BCAS3: variants seen among roughly 807,000 people sequenced by gnomAD.
BCAS3 encodes BCAS3 microtubule associated cell migration factor, also known as BCAS4/BCAS3 fusion.
Under a neutral mutation model 116.1 loss-of-function variants are expected in BCAS3, and 53 were observed. The ratio of observed to expected loss-of-function variants is 0.46; its 90% CI spans 0.37 to 0.57. The LOEUF (loss-of-function observed/expected upper bound fraction) is 0.57, where lower values mean the gene tolerates loss of function less well. Among genes scored for constraint, BCAS3 ranks in the 20% least tolerant of loss-of-function variants. The pLI is 0.00. For missense variants in BCAS3, 917 were observed against 1,165.4 expected, an observed-to-expected ratio of 0.79 and a Z score of 3.10; for synonymous variants, 391 against 408.2, an observed-to-expected ratio of 0.96 and a Z score of 0.51.
intron 7 of BCAS3, among the ~76,000 whole-genome samples, chr17:60,821,266 G>A (rs2049941345): frequency 6.6e-6 from 1 of 152,168 alleles, no homozygotes; most frequent in African/African-American, 2.4e-5. Context: ...CTTCTTTGAT[G>A]TACTGACATT....
chr17:60,929,449 G>A (rs895804801), intron 13 of BCAS3, among the ~76,000 whole-genome samples: 4 of 151,942 alleles, frequency 2.6e-5, no homozygotes, highest in African/African-American at 9.7e-5. Flanking sequence ...AAAAAATTAA[G>A]TAAAATGAGG....
chr17:60,950,428 G>C (rs1240653909), intron 14 of BCAS3, among the ~76,000 whole-genome samples: 1 of 152,166 alleles, frequency 6.6e-6, no homozygotes, highest in Admixed American at 6.5e-5. Flanking sequence ...GGAGAAAATT[G>C]ACCATGAATG....
Position 61,392,126 on chromosome 17 carries a change from G to A in BCAS3, c.*1G>A, listed in dbSNP as rs558344377. 9.3e-6 allele frequency: 15 copies of A among 1,612,866 alleles called. 1 individual carries two copies. The highest frequency in any genetic ancestry group is 7.7e-5 in the South Asian group (7 of 90,978). On this transcript the variant is annotated 3_prime_UTR_variant, in exon 24 of 24. Coordinates refer to ENST00000407086, the MANE Select transcript of BCAS3 (RefSeq NM_017679.5). The surrounding 1 kb of genome is among the most constrained non-coding windows in gnomAD (Gnocchi z 6.4). ...CCTCTTCCCGACTGGCTTCCCGTAGGTACCAGCAACCTGCTTCTGACTGGC... is the reference window on the plus strand; with the variant it reads ...CCTCTTCCCGACTGGCTTCCCGTAGATACCAGCAACCTGCTTCTGACTGGC...
chr17:61,246,792 AGTGTGTGTGTGTGTGTGTGTGTGT>A (rs61382195), intron 22 of BCAS3, among the ~76,000 whole-genome samples: 1 of 144,130 alleles, frequency 6.9e-6, no homozygotes, highest in Non-Finnish European at 1.5e-5. Flanking sequence ...TTTGAGTGAG[AGTGTGTGTGTGTGTGTGTGTGTGT>A]GTGTGTGTGT....
chr17:61,380,279 G>A lies in BCAS3; in HGVS notation c.2594-11698G>A. 1 of 565,808 alleles carries A rather than the reference G, an allele frequency of 1.8e-6. No individual in the cohort carries two copies. Among genetic ancestry groups the A allele is most frequent in the Non-Finnish European group, 3.2e-6 (1 of 315,032 alleles). 35.0% of individuals were successfully genotyped at this position (565,808 alleles called of 1,614,324 possible). On this transcript the variant is annotated intron_variant, in intron 23 of 23. Transcript: ENST00000407086. The surrounding 1 kb of genome is among the most constrained non-coding windows in gnomAD (Gnocchi z 4.2). ...CAGGAGTGTAGGAACTCAGGCAGCTGGACTGGGGAGGAGGGAGAGAGGGAA... is the reference window on the plus strand; with the variant it reads ...CAGGAGTGTAGGAACTCAGGCAGCTAGACTGGGGAGGAGGGAGAGAGGGAA...
chr17:60,697,674 G>A (rs73332370), intron 4 of BCAS3, among the ~76,000 whole-genome samples: 10,617 of 151,742 alleles, frequency 0.07, 1,242 homozygotes, highest in African/African-American at 0.24. Context: ...CCTCCCACCA[G>A]TTGCAAACAG....
At chr17:61,351,707 C>T (rs748625285) in intron 22 of BCAS3, among the ~76,000 whole-genome samples, 6 of 152,224 alleles carry the variant, frequency 3.9e-5, no homozygotes, top group Non-Finnish European at 7.3e-5. Context: ...ATCTCTCCCC[C>T]TTCCGCATCT....
In BCAS3 at chr17:61,258,259, T is replaced by C. The variant is rs759529437; in HGVS notation, c.2426-110068T>C. ...ACTTACCATGTTTCGCCTGATGTTG[T>C]CTTTAAGTATGTAACTTTATTTTCT... is the stretch of plus-strand genomic sequence containing the variant. On this transcript the variant is annotated intron_variant, in intron 22 of 23. Transcript: ENST00000407086. The surrounding 1 kb of genome is among the most constrained non-coding windows in gnomAD (Gnocchi z 4.7). Among the ~76,000 whole-genome samples the C allele has an allele frequency of 1.3e-5, 2 of 152,258 alleles. No homozygotes were observed. The highest frequency in any genetic ancestry group is 2.4e-5 in the African/African-American group (1 of 41,466).
intron 22 of BCAS3, among the ~76,000 whole-genome samples, chr17:61,155,427 A>T (rs962027914): frequency 2.2e-4 from 34 of 152,140 alleles, no homozygotes; most frequent in Non-Finnish European, 4.7e-4. Flanking sequence ...TGTGTTCAGA[A>T]AAGGATAATT....
In BCAS3 at chr17:61,249,340, T is replaced by A. The variant is rs2048199827; in HGVS notation, c.2426-118987T>A. ...AACTTGAAAATAATACCAGCACTGCTAGAGTGGGTATTTGGCTCAGTTCAG... is the reference window on the plus strand; with the variant it reads ...AACTTGAAAATAATACCAGCACTGCAAGAGTGGGTATTTGGCTCAGTTCAG... On this transcript the variant is annotated intron_variant, in intron 22 of 23. Transcript: ENST00000407086. This position sits in a 1 kb window ranked among gnomAD's most constrained non-coding sequence, Gnocchi z 6.2. 6.6e-6 allele frequency among the ~76,000 whole-genome samples: 1 copy of A among 152,170 alleles called. No homozygotes were observed. The highest frequency in any genetic ancestry group is 1.5e-5 in the Non-Finnish European group (1 of 68,026).
chr17:60,735,324 C>T (rs540412339), intron 5 of BCAS3, among the ~76,000 whole-genome samples: 1 of 148,230 alleles, frequency 6.7e-6, no homozygotes, highest in Non-Finnish European at 1.5e-5. Context: ...TCTTGTCTTA[C>T]TGTATTAGCT....
At position 60,703,652 on chromosome 17, in the gene BCAS3, C is replaced by T. The variant is rs1025842146; in HGVS notation, c.215-5567C>T. Reference sequence around the variant, plus strand: ...TTACCTAGCCGGGCGCGGTGGCTCACGCCTGTAATCCCAGCACTTTGGGAG... The same window carrying T: ...TTACCTAGCCGGGCGCGGTGGCTCATGCCTGTAATCCCAGCACTTTGGGAG... On this transcript the variant is annotated intron_variant, in intron 4 of 23. Transcript: ENST00000407086. Among the ~76,000 whole-genome samples the T allele has an allele frequency of 5.3e-5, 8 of 152,018 alleles. No homozygotes were observed. In the South Asian group the frequency reaches 1.2e-3, roughly 24 times the overall value.
intron 14 of BCAS3, among the ~76,000 whole-genome samples, chr17:60,966,435 A>G (rs1325305819): frequency 1.3e-5 from 2 of 152,070 alleles, no homozygotes; most frequent in Non-Finnish European, 2.9e-5. Context: ...CTCTGGTATT[A>G]TGCTGTTAAT....
chr17:61,045,876 AATATATATT>A (rs2068052839), intron 19 of BCAS3, among the ~76,000 whole-genome samples: 3 of 39,730 alleles, frequency 7.6e-5, no homozygotes, highest in Non-Finnish European at 1.1e-4. Flanking sequence ...AATATATATA[AATATATATT>A]ATATATATAA....
chr17:60,831,425 C>T (rs549457677), intron 7 of BCAS3, among the ~76,000 whole-genome samples: 52 of 152,260 alleles, frequency 3.4e-4, no homozygotes, highest in African/African-American at 1.3e-3. Flanking sequence ...GATCCTCCCG[C>T]CTCAGCCTCC....
chr17:60,958,413 C>CA (rs1567965713), intron 14 of BCAS3, among the ~76,000 whole-genome samples: 1 of 152,026 alleles, frequency 6.6e-6, no homozygotes, highest in Non-Finnish European at 1.5e-5. Context: ...GATCAATATA[C>CA]AAAAATCAGT....
intron 15 of BCAS3, among the ~76,000 whole-genome samples, chr17:61,001,193 C>T (rs1214270660): frequency 2.0e-5 from 3 of 152,088 alleles, no homozygotes; most frequent in African/African-American, 2.4e-5. Context: ...TGATGAGACT[C>T]GGAGACCTTT....
chr17:61,104,639 C>T lies in BCAS3; in HGVS notation c.2425+20075C>T, dbSNP rs1031110649. On this transcript the variant is annotated intron_variant, in intron 22 of 23. Transcript: ENST00000407086. This position sits in a 1 kb window ranked among gnomAD's most constrained non-coding sequence, Gnocchi z 4.1. ...GAGCTCCAAATCGGGTATTACATGTCACCCTGTGAAAGATCCTCTGCGTTA... is the reference window on the plus strand; with the variant it reads ...GAGCTCCAAATCGGGTATTACATGTTACCCTGTGAAAGATCCTCTGCGTTA... Among the ~76,000 whole-genome samples the T allele has an allele frequency of 2.6e-5, 4 of 152,188 alleles. No individual in the cohort carries two copies. The highest frequency in any genetic ancestry group is 2.6e-4 in the Admixed American group (4 of 15,282).
intron 6 of BCAS3, 33 bp downstream of exon 6, chr17:60,747,312 G>C (rs1350749427): frequency 6.5e-7 from 1 of 1,537,118 alleles, no homozygotes; most frequent in Middle Eastern, 1.7e-4. Context: ...GAATCTTTCA[G>C]AAAAGAGTTT....
Sources: gnomAD v4.1 joint callset for allele counts (sites outside exome capture counted in the v4.1 genomes callset) on GRCh38, gnomAD v4.1.1 for gene constraint, Gnocchi (gnomAD v3.1) non-coding constraint, MANE v1.5 for transcripts, NCBI Gene and HGNC (gene_info 2026-07-23, HGNC 2026-07-21) for gene names.